The following ZNF148 variants were observed in gnomAD, a reference collection of about 807,000 sequenced individuals.
ZNF148 encodes zinc finger protein 148.
A neutral mutation model predicts 67.7 loss-of-function variants in ZNF148; 7 were observed. The observed-to-expected ratio is 0.10, with a 90% confidence interval of 0.06 to 0.19. ZNF148 has a LOEUF of 0.19. Ranked by LOEUF, ZNF148 falls within the 10% of genes least tolerant of loss-of-function variation. The pLI, the probability that ZNF148 is intolerant of heterozygous loss-of-function variation, is 1.00. For missense variants in ZNF148, 583 were observed against 947.1 expected, an observed-to-expected ratio of 0.62 and a Z score of 5.05; for synonymous variants, 333 against 330.7, an observed-to-expected ratio of 1.01 and a Z score of -0.08.
intron 2 of ZNF148, among the ~76,000 whole-genome samples, chr3:125,325,836 T>C (rs1331647308): frequency 6.6e-6 from 1 of 151,984 alleles, no homozygotes; most frequent in African/African-American, 2.4e-5. Flanking sequence ...GAATTTCAAG[T>C]AGGAAAATAT....
intron 4 of ZNF148, among the ~76,000 whole-genome samples, chr3:125,302,127 A>G (rs1321337195): frequency 6.6e-6 from 1 of 151,972 alleles, no homozygotes; most frequent in Non-Finnish European, 1.5e-5. Flanking sequence ...CAGTAATCCC[A>G]GCACTTTGGG....
intron 3 of ZNF148, among the ~76,000 whole-genome samples, chr3:125,321,414 C>CT (rs924784161): frequency 1.3e-4 from 17 of 134,620 alleles, no homozygotes; most frequent in Non-Finnish European, 2.0e-4. Flanking sequence ...AAAAAAAACT[C>CT]TATTTTTTCA....
chr3:125,339,278 T>C (rs1941621594), intron 1 of ZNF148, among the ~76,000 whole-genome samples: 1 of 152,242 alleles, frequency 6.6e-6, no homozygotes. Flanking sequence ...CGACAATTTA[T>C]CTTACCTTTT....
At chr3:125,275,369 C>T (rs1937996723) in intron 7 of ZNF148, among the ~76,000 whole-genome samples, 1 of 152,144 alleles carries the variant, frequency 6.6e-6, no homozygotes, top group African/African-American at 2.4e-5. Context: ...AAGGCTAAGC[C>T]ATAATTGGCT....
At chr3:125,353,191 T>C (rs1050266824) in intron 1 of ZNF148, among the ~76,000 whole-genome samples, 1 of 152,154 alleles carries the variant, frequency 6.6e-6, no homozygotes, top group Non-Finnish European at 1.5e-5. Flanking sequence ...AAAGTATGTA[T>C]GTATACAAAG....
intron 7 of ZNF148, among the ~76,000 whole-genome samples, chr3:125,240,821 C>T (rs1461674804): frequency 6.6e-6 from 1 of 151,296 alleles, no homozygotes; most frequent in Non-Finnish European, 1.5e-5. Flanking sequence ...AACATTAACG[C>T]CTTAAAAGTA....
At chr3:125,328,064 T>C (rs1941105612) in intron 2 of ZNF148, among the ~76,000 whole-genome samples, 1 of 151,910 alleles carries the variant, frequency 6.6e-6, no homozygotes, top group Non-Finnish European at 1.5e-5. Context: ...ATACCTATTA[T>C]TTATATTTTA....
At chr3:125,332,246 T>A (rs1427569885) in intron 1 of ZNF148, among the ~76,000 whole-genome samples, 1 of 152,146 alleles carries the variant, frequency 6.6e-6, no homozygotes, top group East Asian at 1.9e-4. Flanking sequence ...ACAAAAAAAA[T>A]CTATTTTAAA....
intron 4 of ZNF148, among the ~76,000 whole-genome samples, chr3:125,296,972 GAAAC>G (rs1276903241): frequency 6.6e-6 from 1 of 150,974 alleles, no homozygotes; most frequent in East Asian, 1.9e-4. Flanking sequence ...AACAAAAAAA[GAAAC>G]ATTAAAATGT....
intron 1 of ZNF148, among the ~76,000 whole-genome samples, chr3:125,372,107 A>G (rs1430075175): frequency 6.6e-6 from 1 of 152,158 alleles, no homozygotes; most frequent in African/African-American, 2.4e-5. Context: ...AACTAATTCC[A>G]AGATGAACAA....
At chr3:125,236,627 C>T (rs951996206) in intron 7 of ZNF148, among the ~76,000 whole-genome samples, 1 of 152,108 alleles carries the variant, frequency 6.6e-6, no homozygotes, top group African/African-American at 2.4e-5. Flanking sequence ...AATTTGGCCA[C>T]AAGTAAATTG....
chr3:125,332,663 G>A (rs958256559), intron 1 of ZNF148, among the ~76,000 whole-genome samples: 7 of 152,122 alleles, frequency 4.6e-5, no homozygotes, highest in South Asian at 4.1e-4. Context: ...AATGCCAAGC[G>A]GTAACCAATC....
intron 1 of ZNF148, among the ~76,000 whole-genome samples, chr3:125,352,848 T>C (rs979222553): frequency 1.3e-5 from 2 of 152,148 alleles, no homozygotes; most frequent in African/African-American, 4.8e-5. Context: ...GGAGGCACTC[T>C]ACTCGATAAG....
Position 125,288,232 on chromosome 3 carries a change from T to C in ZNF148, c.334-4A>G, listed in dbSNP as rs1187068059. The C allele has an allele frequency of 6.3e-7, 1 of 1,597,320 alleles. No individual in the cohort carries two copies. The highest frequency in any genetic ancestry group is 8.5e-7 in the Non-Finnish European group (1 of 1,175,504). ...TAATTTCCTGCTTTACGCTTATCTG[T>C]TTAAAAAAAGAAAAGCCAATTTTAG... On this transcript the variant is annotated splice_region_variant and splice_polypyrimidine_tract_variant and intron_variant, in intron 4 of 8. Transcript: ENST00000360647.
rs1471294604 is a variant in ZNF148 at position 125,228,045 on chromosome 3, A to C, written c.*4296T>G. 6.6e-6 allele frequency: 1 copy of C among 152,628 alleles called. No individual in the cohort carries two copies. Among genetic ancestry groups the C allele is most frequent in the Non-Finnish European group, 1.5e-5 (1 of 68,036 alleles). 9.5% of individuals were successfully genotyped at this position (152,628 alleles called of 1,614,324 possible). On this transcript the variant is annotated 3_prime_UTR_variant, in exon 9 of 9. Coordinates refer to ENST00000360647, the MANE Select transcript of ZNF148 (RefSeq NM_021964.3). ...AAGCTTGAAAAATAAGTATCTAAAA[A>C]TCAATGTAGAAAGTTTAGAATTATT...
chr3:125,233,342 T>C lies in ZNF148; in HGVS notation c.1384A>G (p.Thr462Ala). The change falls in exon 9 of 9, where the codon ACT (threonine) becomes GCT (alanine). Residue 462 changes from threonine to alanine, a missense_variant. Thr to Ala is a moderately conservative substitution (Grantham distance 58). Around this residue, in one of 5 missense-constraint regions of ZNF148, gnomAD observed 172 missense variants for 307.7 expected, o/e 0.56. Coordinates refer to ENST00000360647, the MANE Select transcript of ZNF148 (RefSeq NM_021964.3). The surrounding 1 kb of genome is among the most constrained non-coding windows in gnomAD (Gnocchi z 5.1). ...AACTGCATGGCATCATCATAATTAG[T>C]ACTACTATGCACAGGTTTACTGGGC... is the stretch of plus-strand genomic sequence containing the variant. ...EGPSKPVHSSTNYDDAMQFLK... is the reference protein window; with the variant it reads ...EGPSKPVHSSANYDDAMQFLK... 6.2e-7 allele frequency: 1 copy of C among 1,613,988 alleles called. No homozygotes were observed. Among genetic ancestry groups the C allele is most frequent in the Non-Finnish European group, 8.5e-7 (1 of 1,179,938 alleles).
intron 1 of ZNF148, chr3:125,344,273 C>G (rs531946825): frequency 1.0e-4 from 42 of 411,110 alleles, no homozygotes; most frequent in South Asian, 1.5e-4. Flanking sequence ...CCAAACGACA[C>G]GAAAGAGAAT....
intron 7 of ZNF148, among the ~76,000 whole-genome samples, chr3:125,256,972 T>G (rs924250497): frequency 8.6e-5 from 2 of 23,288 alleles, no homozygotes; most frequent in East Asian, 9.6e-4. Flanking sequence ...TTCCAGTTTT[T>G]TTTTTTTTTT....
intron 4 of ZNF148, chr3:125,311,403 A>T (rs969693288): frequency 3.3e-5 from 5 of 152,248 alleles, no homozygotes; most frequent in Non-Finnish European, 5.9e-5. Context: ...TTTTTCTTAA[A>T]AGAGTTTTTG....
Sources: gnomAD v4.1 joint callset for allele counts (sites outside exome capture counted in the v4.1 genomes callset) on GRCh38, gnomAD v4.1.1 for gene constraint, gnomAD v4.1.1 regional missense constraint, Gnocchi (gnomAD v3.1) non-coding constraint, MANE v1.5 for transcripts, NCBI Gene and HGNC (gene_info 2026-07-23, HGNC 2026-07-21) for gene names.